Variants in DLGAP1 observed in about 807,000 individuals in gnomAD.
The protein encoded by DLGAP1 is disks large-associated protein 1.
DLGAP1 carries 11 observed loss-of-function variants against 90.8 expected under a neutral mutation model. That is an observed-to-expected ratio of 0.12 (90% CI 0.08 to 0.20). The LOEUF is 0.20. DLGAP1 is among the 10% of genes least tolerant of loss of function. The pLI, the probability that DLGAP1 is intolerant of heterozygous loss-of-function variation, is 1.00. For missense variants in DLGAP1, 1,050 were observed against 1,333.8 expected (o/e 0.79, Z 3.31); for synonymous variants, 558 against 540.7 (o/e 1.03, Z -0.44).
chr18:3,604,173 C>T (rs1029155219), intron 7 of DLGAP1: 11 of 152,408 alleles, frequency 7.2e-5, no homozygotes, highest in African/African-American at 2.4e-4. Context: ...TTAACCCATT[C>T]CCAGCTTATA....
intron 1 of DLGAP1, among the ~76,000 whole-genome samples, chr18:4,325,060 G>C (rs2080785833): frequency 6.6e-6 from 1 of 152,118 alleles, no homozygotes; most frequent in Non-Finnish European, 1.5e-5. Flanking sequence ...TAGGAAGAGA[G>C]AAAGTCAAAC....
intron 1 of DLGAP1, among the ~76,000 whole-genome samples, chr18:4,244,837 C>T (rs889194201): frequency 3.3e-5 from 5 of 152,152 alleles, no homozygotes; most frequent in African/African-American, 9.7e-5. Context: ...CAGTGATATC[C>T]GCTATCATCC....
intron 7 of DLGAP1, among the ~76,000 whole-genome samples, chr18:3,639,474 A>C (rs2058845669): frequency 1.3e-5 from 2 of 152,342 alleles, no homozygotes; most frequent in South Asian, 4.1e-4. Context: ...ACAGAAGCAC[A>C]GGAAGAGCAC....
At position 3,767,157 on chromosome 18, in the gene DLGAP1, G is replaced by A. The variant is rs2064285125; in HGVS notation, c.1173-24645C>T. Among the ~76,000 whole-genome samples the A allele has an allele frequency of 2.0e-5, 3 of 152,170 alleles. No individual in the cohort carries two copies. The South Asian group carries it at 6.2e-4, about 32-fold the overall frequency. ...TACTTGTAAACTTGGCAATATAGAT[G>A]GAAGGAACCAATTGCTTGAAAAACA... On this transcript the variant is annotated intron_variant, in intron 5 of 12. Coordinates refer to ENST00000315677, the MANE Select transcript of DLGAP1 (RefSeq NM_004746.4).
intron 2 of DLGAP1, among the ~76,000 whole-genome samples, chr18:4,128,624 G>A (rs1176123717): frequency 6.6e-6 from 1 of 152,140 alleles, no homozygotes; most frequent in African/African-American, 2.4e-5. Context: ...CAACTGCTAA[G>A]TTCCTACAGA....
At chr18:3,784,468 A>T (rs9960187) in intron 5 of DLGAP1, among the ~76,000 whole-genome samples, 20,803 of 151,886 alleles carry the variant, frequency 0.14, 1,543 homozygotes, top group African/African-American at 0.16. Context: ...TGTATGTGTT[A>T]TTTTTTAAGA....
intron 2 of DLGAP1, among the ~76,000 whole-genome samples, chr18:4,070,021 C>T (rs1007925887): frequency 4.0e-5 from 6 of 150,790 alleles, no homozygotes; most frequent in East Asian, 3.9e-4. Flanking sequence ...CTTGCTCTGT[C>T]GTCTAGGCTG....
intron 5 of DLGAP1, among the ~76,000 whole-genome samples, chr18:3,803,251 T>C (rs1462657143): frequency 3.9e-5 from 6 of 152,136 alleles, no homozygotes; most frequent in African/African-American, 1.2e-4. Context: ...TCAGGCTAGA[T>C]GAGCACAGCC....
intron 1 of DLGAP1, among the ~76,000 whole-genome samples, chr18:4,400,956 G>T (rs1428636014): frequency 6.6e-6 from 1 of 152,030 alleles, no homozygotes; most frequent in South Asian, 2.1e-4. Context: ...TACACTGCAG[G>T]TCCTTATTTT....
At chr18:3,513,585 C>G (rs1243617675) in intron 10 of DLGAP1, among the ~76,000 whole-genome samples, 1 of 152,206 alleles carries the variant, frequency 6.6e-6, no homozygotes, top group Non-Finnish European at 1.5e-5. Flanking sequence ...CAAAGCACAT[C>G]CATCTACCTG....
At chr18:3,769,721 G>A (rs2064426331) in intron 5 of DLGAP1, among the ~76,000 whole-genome samples, 1 of 152,014 alleles carries the variant, frequency 6.6e-6, no homozygotes, top group Non-Finnish European at 1.5e-5. Flanking sequence ...GAGGGAAGTG[G>A]GTGTGGCTAT....
intron 2 of DLGAP1, among the ~76,000 whole-genome samples, chr18:4,116,809 A>T (rs9946959): frequency 0.51 from 78,272 of 152,002 alleles, 21,691 homozygotes; most frequent in African/African-American, 0.73. Flanking sequence ...AACTTATTTA[A>T]AATGTGTGAT....
At chr18:4,403,120 T>C (rs1014693203) in intron 1 of DLGAP1, among the ~76,000 whole-genome samples, 1 of 152,202 alleles carries the variant, frequency 6.6e-6, no homozygotes, top group African/African-American at 2.4e-5. Context: ...TAGTTCTGAT[T>C]TAGAAATGTT....
At chr18:3,584,406 T>C (rs1032509193) in intron 7 of DLGAP1, among the ~76,000 whole-genome samples, 5 of 152,036 alleles carry the variant, frequency 3.3e-5, no homozygotes, top group African/African-American at 7.2e-5. Context: ...TGCTTCAACA[T>C]TGAAGATGTT....
intron 7 of DLGAP1, among the ~76,000 whole-genome samples, chr18:3,662,946 C>A (rs144334054): frequency 1.3e-5 from 2 of 152,250 alleles, no homozygotes; most frequent in African/African-American, 2.4e-5. Context: ...AAATGGGCCC[C>A]ATCAGCAACT....
intron 2 of DLGAP1, among the ~76,000 whole-genome samples, chr18:4,118,642 GGCTGGGGA>G (rs59612052): frequency 6.7e-6 from 1 of 150,202 alleles, no homozygotes; most frequent in East Asian, 2.0e-4. Flanking sequence ...TGTAGCCCCA[GGCTGGGGA>G]GCTGGGGAGC....
intron 1 of DLGAP1, among the ~76,000 whole-genome samples, chr18:4,192,843 G>A (rs1354519253): frequency 1.3e-5 from 2 of 152,192 alleles, no homozygotes; most frequent in African/African-American, 4.8e-5. Context: ...TTTAGGATAT[G>A]TTCTGGATAC....
chr18:4,307,803 T>C (rs2080299677), intron 1 of DLGAP1, among the ~76,000 whole-genome samples: 1 of 148,204 alleles, frequency 6.7e-6, no homozygotes, highest in Non-Finnish European at 1.5e-5. Flanking sequence ...GCAACCTCCA[T>C]CTCCTGGGTT....
At position 4,239,596 on chromosome 18, in the gene DLGAP1, A is replaced by C. The variant is rs1274568545; in HGVS notation, c.-266-88309T>G. 2.0e-5 allele frequency among the ~76,000 whole-genome samples: 3 copies of C among 152,168 alleles called. No homozygotes were observed. In the East Asian group the frequency reaches 5.8e-4, roughly 29 times the overall value. The stretch of plus-strand genomic sequence containing the variant: ...TTAAAAAATAGTCTCACATTATAAA[A>C]ATTAGCCCACATTCATGTGATATTC... On this transcript the variant is annotated intron_variant, in intron 1 of 12. Transcript: ENST00000315677.
Sources: gnomAD v4.1 joint callset for allele counts (sites outside exome capture counted in the v4.1 genomes callset) on GRCh38, gnomAD v4.1.1 for gene constraint, MANE v1.5 for transcripts, NCBI Gene and HGNC (gene_info 2026-07-23, HGNC 2026-07-21) for gene names.